The following NBEAL1 variants were observed in gnomAD, a reference collection of about 807,000 sequenced individuals.
NBEAL1 encodes the protein neurobeachin like 1, also known as neurobeachin-like protein 1.
A neutral mutation model predicts 351.3 loss-of-function variants in NBEAL1; 273 were observed. The ratio of observed to expected loss-of-function variants is 0.78; its 90% confidence interval spans 0.70 to 0.86. NBEAL1 has a LOEUF of 0.86. NBEAL1 is among the 40% of genes least tolerant of loss of function. The pLI, the probability that NBEAL1 is intolerant of heterozygous loss-of-function variation, is 0.00. For missense variants in NBEAL1, 2,961 were observed against 3,201.3 expected (o/e 0.92, Z 1.81); for synonymous variants, 1,050 against 1,086.4 (o/e 0.97, Z 0.66).
chr2:203,111,853 T>C, intron 15 of NBEAL1, 126 bp from the exon 16 acceptor site: 1 of 1,099,162 alleles, frequency 9.1e-7, no homozygotes, highest in Non-Finnish European at 1.3e-6. Flanking sequence ...AACATCAATT[T>C]AACATTTACG....
rs1236140082 is a variant in NBEAL1 at position 203,016,381 on chromosome 2, C to G, written c.-4C>G. ...AAACTTAAAGTGCCAGAGTGAAAGC[C>G]AGAATGGCATCCAGAGAGAGGCTCT... On this transcript the variant is annotated 5_prime_UTR_variant, in exon 2 of 56. Transcript: ENST00000683969. 6.8e-7 allele frequency: 1 copy of G among 1,480,838 alleles called. No homozygotes were observed. Among genetic ancestry groups the G allele is most frequent in the Non-Finnish European group, 9.1e-7 (1 of 1,098,512 alleles). 91.7% of individuals were successfully genotyped at this position (1,480,838 alleles called of 1,614,324 possible).
chr2:203,184,803 G>A (rs566788059), intron 44 of NBEAL1, among the ~76,000 whole-genome samples: 2 of 151,778 alleles, frequency 1.3e-5, no homozygotes, highest in South Asian at 2.1e-4. Context: ...GGTGTGTACC[G>A]GTAGTCCCAG....
chr2:203,041,433 T>C (rs1378446167), intron 2 of NBEAL1, among the ~76,000 whole-genome samples: 1 of 152,128 alleles, frequency 6.6e-6, no homozygotes, highest in East Asian at 1.9e-4. Flanking sequence ...TGCAAAGTCC[T>C]TAGGGTGGGA....
At chr2:203,110,112 C>T in intron 14 of NBEAL1, 38 bp from the exon 15 acceptor site, 1 of 1,527,594 alleles carries the variant, frequency 6.5e-7, no homozygotes, top group Non-Finnish European at 8.8e-7. Flanking sequence ...AACTGAACAA[C>T]CAACTTTAAA....
At chr2:203,178,734 A>G (rs538158882) in intron 42 of NBEAL1, among the ~76,000 whole-genome samples, 1 of 152,342 alleles carries the variant, frequency 6.6e-6, no homozygotes, top group Admixed American at 6.5e-5. Flanking sequence ...TGAAATAAAA[A>G]TAGGCATAGA....
At chr2:203,079,534 G>A (rs1023461780) in intron 8 of NBEAL1, among the ~76,000 whole-genome samples, 44 of 151,754 alleles carry the variant, frequency 2.9e-4, no homozygotes, top group African/African-American at 9.9e-4. Context: ...CCCTCCCTCT[G>A]TTTCTTTCTC....
In NBEAL1 at chr2:203,221,416, A is replaced by G. The variant is rs776231134; in HGVS notation, c.*4062A>G. Among the ~76,000 whole-genome samples, 1 of 151,752 alleles carries G rather than the reference A, an allele frequency of 6.6e-6. No individual in the cohort carries two copies. The highest frequency in any genetic ancestry group is 2.4e-5 in the African/African-American group (1 of 41,390). ...TGTAATATGGGTGTCTGTTGGGGTT[A>G]TGTGTGTGTAAAGATTGGTCTTTTC... On this transcript the variant is annotated 3_prime_UTR_variant, in exon 56 of 56. Transcript: ENST00000683969.
At chr2:203,185,860 C>T (rs754268791) in intron 44 of NBEAL1, among the ~76,000 whole-genome samples, 10 of 152,200 alleles carry the variant, frequency 6.6e-5, no homozygotes, top group Non-Finnish European at 1.5e-4. Context: ...GTAACAGTAT[C>T]AATGCCAGAT....
chr2:203,022,951 T>G (rs1342849550), intron 2 of NBEAL1, among the ~76,000 whole-genome samples: 1 of 152,204 alleles, frequency 6.6e-6, no homozygotes, highest in East Asian at 1.9e-4. Flanking sequence ...TCCTGCTAAA[T>G]CTGGAATATG....
At position 203,033,023 on chromosome 2, in the gene NBEAL1, C is replaced by T. The variant is rs183382905; in HGVS notation, c.52-8742C>T. On this transcript the variant is annotated intron_variant, in intron 2 of 55. Coordinates refer to ENST00000683969, the MANE Select transcript of NBEAL1 (RefSeq NM_001378026.1). The stretch of plus-strand genomic sequence containing the variant: ...TTTAATTTAATTTTATTTTTTGAGA[C>T]GGAGTCTCGCTCTGTCGCCCAGGCT... Among the ~76,000 whole-genome samples the T allele has an allele frequency of 9.2e-4, 139 of 150,864 alleles. 1 individual carries two copies. Among genetic ancestry groups the T allele is most frequent in the African/African-American group, 2.8e-3 (116 of 41,074 alleles).
chr2:203,114,811 G>A (rs1279359950), intron 17 of NBEAL1, among the ~76,000 whole-genome samples: 1 of 150,912 alleles, frequency 6.6e-6, no homozygotes, highest in African/African-American at 2.4e-5. Context: ...GGAGTGCAGT[G>A]GCTGATATTG....
Position 203,193,810 on chromosome 2 carries a change from A to G in NBEAL1, c.6937A>G (p.Arg2313Gly), listed in dbSNP as rs2105788613. 6.2e-7 allele frequency: 1 copy of G among 1,611,438 alleles called. No homozygotes were observed. The highest frequency in any genetic ancestry group is 8.5e-7 in the Non-Finnish European group (1 of 1,178,562). The change falls in exon 47 of 56, where the codon AGA becomes GGA. Residue 2313 changes from arginine to glycine, a missense_variant. By Grantham distance (125) the Arg-to-Gly change is moderately radical. Transcript: ENST00000683969. ...TATTTTGAAGGAACCACACCCTCCA[A>G]GATTATCAGCAGAAGAAGCAGTGCA... Reference protein sequence around the residue: ...CQLLKEPHPPRLSAEEAVQKP... With the variant: ...CQLLKEPHPPGLSAEEAVQKP...
chr2:203,138,167 T>C lies in NBEAL1; in HGVS notation c.4571T>C (p.Leu1524Pro). 1.9e-6 allele frequency: 3 copies of C among 1,613,530 alleles called. No individual in the cohort carries two copies. The highest frequency in any genetic ancestry group is 2.5e-6 in the Non-Finnish European group (3 of 1,179,884). ...GGACTTTGTTTTCCATTTAGTTTGCTACAAAAGATGTTAGAATGGGCAATC... is the reference window on the plus strand; with the variant it reads ...GGACTTTGTTTTCCATTTAGTTTGCCACAAAAGATGTTAGAATGGGCAATC... The part of the protein sequence containing the change: ...RPSDEIKLTL[L>P]QKMLEWAISE... Residue 1524 changes from leucine to proline, a missense_variant, in exon 30 of 56, where the codon CTA becomes CCA. By Grantham distance (98) the Leu-to-Pro change is moderately conservative. Coordinates refer to ENST00000683969, the MANE Select transcript of NBEAL1 (RefSeq NM_001378026.1).
intron 35 of NBEAL1, among the ~76,000 whole-genome samples, chr2:203,153,481 A>C: frequency 6.6e-6 from 1 of 152,128 alleles, no homozygotes. Context: ...CATATGGCCA[A>C]AACATTTGAT....
chr2:203,142,263 C>T (rs574397409), intron 31 of NBEAL1, among the ~76,000 whole-genome samples: 1 of 152,320 alleles, frequency 6.6e-6, no homozygotes, highest in South Asian at 2.1e-4. Context: ...TCAAGTGATT[C>T]TCTGGTCTCT....
chr2:203,071,748 G>C (rs971589733), intron 7 of NBEAL1, among the ~76,000 whole-genome samples: 8 of 152,160 alleles, frequency 5.3e-5, no homozygotes, highest in African/African-American at 1.9e-4. Flanking sequence ...TAAGTTATAT[G>C]TAACCAGAAT....
chr2:203,185,101 G>A (rs1331532590), intron 44 of NBEAL1, among the ~76,000 whole-genome samples: 2 of 152,134 alleles, frequency 1.3e-5, no homozygotes, highest in Non-Finnish European at 2.9e-5. Flanking sequence ...TTAGTCCAAG[G>A]TTGAACAGGC....
intron 10 of NBEAL1, among the ~76,000 whole-genome samples, chr2:203,091,303 T>A (rs1319397110): frequency 2.0e-5 from 3 of 152,246 alleles, no homozygotes; most frequent in African/African-American, 4.8e-5. Context: ...TGTCGTAGCA[T>A]GTGTCAGAAT....
chr2:203,192,951 TTTTC>T (rs1316334997), intron 46 of NBEAL1, among the ~76,000 whole-genome samples: 4 of 122,778 alleles, frequency 3.3e-5, no homozygotes, highest in South Asian at 2.7e-4. Flanking sequence ...TATTGACTTT[TTTTC>T]TTTCTTTCTT....
Sources: allele counts gnomAD v4.1 joint callset (sites outside exome capture counted in the v4.1 genomes callset), GRCh38; gene constraint gnomAD v4.1.1; transcripts MANE v1.5; gene names NCBI Gene and HGNC (gene_info 2026-07-23, HGNC 2026-07-21).